ABLIM1: variants seen among roughly 807,000 people sequenced by gnomAD.
ABLIM1 encodes the protein actin binding LIM protein 1, also known as actin-binding LIM protein 1.
Under a neutral mutation model 107.0 loss-of-function variants are expected in ABLIM1, and 40 were observed. That is an observed-to-expected ratio of 0.37 (90% CI 0.29 to 0.49). ABLIM1 has a LOEUF of 0.49. Ranked by LOEUF, ABLIM1 falls within the 20% of genes least tolerant of loss-of-function variation. ABLIM1 has a pLI of 0.97. For synonymous variants in ABLIM1, 357 were observed against 357.3 expected, an observed-to-expected ratio of 1.00 and a Z score of 0.01; for missense variants, 857 against 1,008.5, an observed-to-expected ratio of 0.85 and a Z score of 2.04.
chr10:114,775,329 T>C, the ABLIM1 span, among the ~76,000 whole-genome samples: 1 of 152,078 alleles, frequency 6.6e-6, no homozygotes, highest in African/African-American at 2.4e-5. Flanking sequence ...ACCATATCAA[T>C]AGGGTATTTG....
the ABLIM1 span, among the ~76,000 whole-genome samples, chr10:114,786,322 A>G: frequency 6.6e-6 from 1 of 152,238 alleles, no homozygotes; most frequent in Non-Finnish European, 1.5e-5. Context: ...CCCATTTACA[A>G]TATCATGAAA....
intron 1 of ABLIM1, among the ~76,000 whole-genome samples, chr10:114,695,951 C>T (rs764384307): frequency 6.6e-6 from 1 of 152,202 alleles, no homozygotes; most frequent in Admixed American, 6.5e-5. Context: ...CCACACATCT[C>T]AGCTAGCATC....
chr10:114,563,438 C>T (rs762505926), intron 4 of ABLIM1, among the ~76,000 whole-genome samples: 5 of 152,160 alleles, frequency 3.3e-5, no homozygotes, highest in African/African-American at 4.8e-5. Flanking sequence ...TGGTAGTGGA[C>T]GTGGGCACGC....
chr10:114,781,590 A>G, the ABLIM1 span, among the ~76,000 whole-genome samples: 8,432 of 150,336 alleles, frequency 0.056, 314 homozygotes, highest in Non-Finnish European at 0.083. Flanking sequence ...GTGTGTGAAT[A>G]TGTGTGTATA....
intron 1 of ABLIM1, among the ~76,000 whole-genome samples, chr10:114,766,774 A>C (rs2082904427): frequency 6.6e-6 from 1 of 152,188 alleles, no homozygotes; most frequent in South Asian, 2.1e-4. Context: ...CAGTCTAAGA[A>C]CATAGTTCAG....
intron 6 of ABLIM1, among the ~76,000 whole-genome samples, chr10:114,535,829 C>T (rs999412989): frequency 7.9e-5 from 12 of 152,070 alleles, no homozygotes; most frequent in Admixed American, 3.9e-4. Context: ...TTTAGCCAAA[C>T]GTGGATTGAA....
intron 10 of ABLIM1, among the ~76,000 whole-genome samples, chr10:114,468,533 C>T (rs1426220729): frequency 6.6e-6 from 1 of 152,052 alleles, no homozygotes; most frequent in Non-Finnish European, 1.5e-5. Flanking sequence ...CTTAGCCTCC[C>T]AAAGTTTTGG....
intron 14 of ABLIM1, among the ~76,000 whole-genome samples, chr10:114,450,871 C>CA (rs1404106209): frequency 2.0e-5 from 3 of 152,180 alleles, no homozygotes; most frequent in African/African-American, 4.8e-5. Flanking sequence ...TATCTTTTCA[C>CA]AAAGATTTAT....
chr10:114,441,199 ATT>A (rs939159937), intron 18 of ABLIM1, 122 bp from the exon 19 acceptor site: 6 of 976,202 alleles, frequency 6.1e-6, no homozygotes, highest in Non-Finnish European at 7.2e-6. Flanking sequence ...TCAGACCTTC[ATT>A]TTTTTTTTCC....
intron 2 of ABLIM1, among the ~76,000 whole-genome samples, chr10:114,587,526 T>C (rs1410997126): frequency 1.3e-5 from 2 of 152,190 alleles, no homozygotes; most frequent in African/African-American, 4.8e-5. Context: ...ACTTCCATTT[T>C]TGAAAGGGAA....
intron 20 of ABLIM1, chr10:114,439,840 C>A: frequency 1.7e-6 from 1 of 586,264 alleles, no homozygotes; most frequent in Non-Finnish European, 3.0e-6. Flanking sequence ...CTCTCCAAGG[C>A]CAAAGCAAGA....
intron 1 of ABLIM1, among the ~76,000 whole-genome samples, chr10:114,726,794 A>C (rs533401584): frequency 6.5e-4 from 99 of 152,078 alleles, no homozygotes; most frequent in African/African-American, 1.6e-3. Context: ...AAAACACACA[A>C]AAAAAGAACA....
intron 8 of ABLIM1, among the ~76,000 whole-genome samples, chr10:114,477,035 C>T (rs1284410552): frequency 2.6e-5 from 4 of 152,012 alleles, no homozygotes; most frequent in African/African-American, 9.7e-5. Flanking sequence ...TCCTATTTTA[C>T]AGATAAGGAA....
intron 6 of ABLIM1, among the ~76,000 whole-genome samples, chr10:114,536,103 C>A (rs2065967886): frequency 6.6e-6 from 1 of 152,052 alleles, no homozygotes; most frequent in Non-Finnish European, 1.5e-5. Flanking sequence ...TTTCCCCCTT[C>A]CCCCAGCCCC....
At chr10:114,660,371 C>T (rs780329832), upstream of ABLIM1, among the ~76,000 whole-genome samples, 9 of 151,634 alleles carry the variant, frequency 5.9e-5, no homozygotes, top group African/African-American at 1.5e-4. Context: ...ATGGGTGCAC[C>T]AAAATCTCAG....
chr10:114,799,455 T>C, the ABLIM1 span, among the ~76,000 whole-genome samples: 3 of 152,226 alleles, frequency 2.0e-5, no homozygotes, highest in Admixed American at 1.3e-4. Context: ...AATAGGCATC[T>C]GACAGATTGA....
chr10:114,431,754 C>G lies in ABLIM1; in HGVS notation c.*4506G>C, dbSNP rs1316759061. On this transcript the variant is annotated 3_prime_UTR_variant, in exon 23 of 23. Coordinates refer to ENST00000533213, the MANE Select transcript of ABLIM1 (RefSeq NM_002313.7). ...GAATAATTTTATTGAATAACAACCACCACTCAATTACACTAAGCTTCAGAA... is the reference window on the plus strand; with the variant it reads ...GAATAATTTTATTGAATAACAACCAGCACTCAATTACACTAAGCTTCAGAA... 3 of 152,190 alleles carry G rather than the reference C, an allele frequency of 2.0e-5. No homozygotes were observed. The highest frequency in any genetic ancestry group is 6.5e-5 in the Admixed American group (1 of 15,278). 9.4% of individuals were successfully genotyped at this position (152,190 alleles called of 1,614,324 possible). A position where few individuals can be genotyped will look rare whatever the true frequency, so the allele number is the denominator to read the frequency against.
the ABLIM1 span, chr10:114,779,558 TTA>T: frequency 6.6e-6 from 1 of 152,218 alleles, no homozygotes. Context: ...CATATATACA[TTA>T]TGTGTGTGTA....
intron 1 of ABLIM1, among the ~76,000 whole-genome samples, chr10:114,766,096 A>G (rs1182876005): frequency 6.6e-6 from 1 of 152,216 alleles, no homozygotes; most frequent in Non-Finnish European, 1.5e-5. Flanking sequence ...TCTGCCATTT[A>G]CCAAGCTTAG....
Sources: allele counts gnomAD v4.1 joint callset (sites outside exome capture counted in the v4.1 genomes callset), GRCh38; gene constraint gnomAD v4.1.1; transcripts MANE v1.5; gene names NCBI Gene and HGNC (gene_info 2026-07-23, HGNC 2026-07-21).